RAB27B: variants seen among roughly 807,000 people sequenced by gnomAD.
The protein encoded by RAB27B is ras-related protein Rab-27B.
In RAB27B, 15 loss-of-function variants were observed where a neutral mutation model predicts 24.6. That is an observed-to-expected ratio of 0.61 (90% CI 0.41 to 0.94). RAB27B has a LOEUF of 0.94. RAB27B is among the 40% of genes least tolerant of loss of function. RAB27B has a pLI of 0.00. For synonymous variants in RAB27B, 105 were observed against 92.5 expected (o/e 1.14, Z -0.78); for missense variants, 261 against 266.8 (o/e 0.98, Z 0.15).
At chr18:54,824,218 T>C (rs1438349689), upstream of RAB27B, among the ~76,000 whole-genome samples, 3 of 152,234 alleles carry the variant, frequency 2.0e-5, no homozygotes, top group African/African-American at 7.2e-5. Flanking sequence ...AACAAAGTGG[T>C]ATTCTATCAT....
intron 2 of RAB27B, among the ~76,000 whole-genome samples, chr18:54,761,974 A>C (rs1233819061): frequency 6.6e-6 from 1 of 152,176 alleles, no homozygotes; most frequent in Non-Finnish European, 1.5e-5. Flanking sequence ...ATGGGCTCCA[A>C]ATCCAGTGGC....
intron 2 of RAB27B, among the ~76,000 whole-genome samples, chr18:54,754,257 T>C (rs1907932290): frequency 6.6e-6 from 1 of 152,144 alleles, no homozygotes; most frequent in Non-Finnish European, 1.5e-5. Context: ...CGTCACCACG[T>C]GAAGAAGGTC....
In RAB27B at chr18:54,802,432, C is replaced by T. The variant is rs550464530; in HGVS notation, c.-19-75135C>T. 1.1e-3 allele frequency among the ~76,000 whole-genome samples: 171 copies of T among 151,734 alleles called. 3 individuals carry two copies. In the South Asian group the frequency reaches 0.03, roughly 27 times the overall value. The stretch of plus-strand genomic sequence containing the variant: ...ATCTGGTATGTGGTGATTTAAGAGT[C>T]AACGTTTTTCTAGGACTTGTTGCAG... On this transcript the variant is annotated intron_variant, in intron 2 of 4. Transcript: ENST00000586570.
intron 1 of RAB27B, among the ~76,000 whole-genome samples, chr18:54,860,499 A>C (rs911255326): frequency 1.3e-5 from 2 of 151,772 alleles, no homozygotes; most frequent in Non-Finnish European, 2.9e-5. Flanking sequence ...CTTTCATCTC[A>C]TCTCCTCCAT....
At chr18:54,888,991 CTT>C (rs1014726185) in intron 5 of RAB27B, among the ~76,000 whole-genome samples, 3 of 152,116 alleles carry the variant, frequency 2.0e-5, no homozygotes, top group African/African-American at 7.2e-5. Context: ...CTGACTACCT[CTT>C]GTGTCAATTT....
intron 2 of RAB27B, among the ~76,000 whole-genome samples, chr18:54,764,868 T>C (rs1023232714): frequency 1.3e-5 from 2 of 152,144 alleles, no homozygotes; most frequent in African/African-American, 2.4e-5. Flanking sequence ...CATCTCACAA[T>C]TGAACTCCCA....
chr18:54,843,266 A>G (rs1467036805), intron 1 of RAB27B, among the ~76,000 whole-genome samples: 1 of 152,220 alleles, frequency 6.6e-6, no homozygotes, highest in Non-Finnish European at 1.5e-5. Flanking sequence ...AAGGCACTAC[A>G]ATAAATTACA....
chr18:54,726,820 T>G (rs1328088632), intron 2 of RAB27B, among the ~76,000 whole-genome samples: 1 of 151,954 alleles, frequency 6.6e-6, no homozygotes, highest in African/African-American at 2.4e-5. Context: ...TTATGCCAGT[T>G]TTGAAATATA....
intron 1 of RAB27B, among the ~76,000 whole-genome samples, chr18:54,829,539 A>G (rs1424882640): frequency 6.6e-6 from 1 of 152,244 alleles, no homozygotes; most frequent in Non-Finnish European, 1.5e-5. Context: ...AAGGTTATTA[A>G]CAACAAAATT....
chr18:54,756,217 AC>A (rs1908001579), intron 2 of RAB27B, among the ~76,000 whole-genome samples: 1 of 152,204 alleles, frequency 6.6e-6, no homozygotes, highest in South Asian at 2.1e-4. Flanking sequence ...TGAAGGAATT[AC>A]CCAAAAGTTT....
intron 2 of RAB27B, among the ~76,000 whole-genome samples, chr18:54,807,926 A>C (rs1484542386): frequency 6.6e-6 from 1 of 152,152 alleles, no homozygotes; most frequent in Non-Finnish European, 1.5e-5. Flanking sequence ...TGAACGTAGG[A>C]ATCCATATTA....
chr18:54,727,294 A>T (rs543364992), intron 2 of RAB27B, among the ~76,000 whole-genome samples: 24 of 152,210 alleles, frequency 1.6e-4, no homozygotes, highest in Admixed American at 3.9e-4. Flanking sequence ...ATATATATAT[A>T]TTTTAAATCT....
At chr18:54,758,246 T>G (rs1908069327) in intron 2 of RAB27B, among the ~76,000 whole-genome samples, 1 of 152,152 alleles carries the variant, frequency 6.6e-6, no homozygotes, top group African/African-American at 2.4e-5. Context: ...TCACTGTAAT[T>G]TAAAAAAATA....
At chr18:54,838,377 A>T (rs1056522435) in intron 1 of RAB27B, among the ~76,000 whole-genome samples, 8 of 151,950 alleles carry the variant, frequency 5.3e-5, no homozygotes, top group African/African-American at 1.7e-4. Context: ...CTTCATCTCC[A>T]TGTTAATATT....
At chr18:54,798,669 G>A (rs1404026998) in intron 2 of RAB27B, among the ~76,000 whole-genome samples, 1 of 152,218 alleles carries the variant, frequency 6.6e-6, no homozygotes, top group Non-Finnish European at 1.5e-5. Flanking sequence ...GCGTTTCAAA[G>A]CACTACTTAA....
At chr18:54,822,410 T>A (rs1312561043) in intron 2 of RAB27B, among the ~76,000 whole-genome samples, 2 of 152,228 alleles carry the variant, frequency 1.3e-5, no homozygotes, top group African/African-American at 4.8e-5. Flanking sequence ...ACAAAAACAC[T>A]GGTTTTAGGT....
intron 4 of RAB27B, among the ~76,000 whole-genome samples, chr18:54,887,621 C>T (rs1408157520): frequency 6.6e-6 from 1 of 151,738 alleles, no homozygotes; most frequent in Non-Finnish European, 1.5e-5. Flanking sequence ...AGAGGTGCTT[C>T]ATATATATTA....
intron 1 of RAB27B, among the ~76,000 whole-genome samples, chr18:54,832,264 A>C (rs1910711184): frequency 6.6e-6 from 1 of 152,230 alleles, no homozygotes. Flanking sequence ...CAGAGCTGAC[A>C]GAACTTACTA....
intron 1 of RAB27B, among the ~76,000 whole-genome samples, chr18:54,859,499 A>T (rs1446126610): frequency 2.0e-5 from 3 of 152,158 alleles, no homozygotes; most frequent in African/African-American, 7.2e-5. Context: ...AAAAAAAAAA[A>T]AATCACCTAT....
Sources: allele counts gnomAD v4.1 joint callset (sites outside exome capture counted in the v4.1 genomes callset), GRCh38; gene constraint gnomAD v4.1.1; transcripts MANE v1.5; gene names NCBI Gene and HGNC (gene_info 2026-07-23, HGNC 2026-07-21).